Variants in PRR16 observed in about 807,000 individuals in gnomAD.
PRR16 encodes the protein proline rich 16.
In PRR16, 6 loss-of-function variants were observed where a neutral mutation model predicts 18.2. That is an observed-to-expected ratio of 0.33 (90% CI 0.18 to 0.65). PRR16 has a LOEUF of 0.65. Among genes scored for constraint, PRR16 ranks in the 30% least tolerant of loss-of-function variants. PRR16 has a pLI of 0.74. For synonymous variants in PRR16, 151 were observed against 147.8 expected, an observed-to-expected ratio of 1.02 and a Z score of -0.16; for missense variants, 412 against 376.6, an observed-to-expected ratio of 1.09 and a Z score of -0.78.
intron 1 of PRR16, among the ~76,000 whole-genome samples, chr5:120,513,958 C>A (rs915575432): frequency 6.6e-6 from 1 of 152,116 alleles, no homozygotes; most frequent in African/African-American, 2.4e-5. Context: ...CGGAGTTTCA[C>A]CATTTTGGTC....
At chr5:120,771,836 CACG>C in the PRR16 span, among the ~76,000 whole-genome samples, 111 of 151,868 alleles carry the variant, frequency 7.3e-4, no homozygotes, top group African/African-American at 2.4e-3. Context: ...TGACTAGAAA[CACG>C]ACTTTATATT....
chr5:120,608,400 A>G (rs1433157034), intron 1 of PRR16, among the ~76,000 whole-genome samples: 1 of 152,172 alleles, frequency 6.6e-6, no homozygotes, highest in Non-Finnish European at 1.5e-5. Flanking sequence ...CAGCACTGGT[A>G]TTCAGAATTT....
chr5:120,645,305 T>G (rs1755551051), intron 1 of PRR16, among the ~76,000 whole-genome samples: 1 of 151,670 alleles, frequency 6.6e-6, no homozygotes, highest in Non-Finnish European at 1.5e-5. Context: ...GTATAATACA[T>G]GAAAGTTTGG....
At chr5:120,700,850 G>A in the PRR16 span, among the ~76,000 whole-genome samples, 66,529 of 151,982 alleles carry the variant, frequency 0.44, 15,731 homozygotes, top group East Asian at 0.83. Flanking sequence ...GGCAGTGTCA[G>A]TCTTCAGCCG....
chr5:120,576,387 A>G (rs1454710695), intron 1 of PRR16, among the ~76,000 whole-genome samples: 2 of 152,180 alleles, frequency 1.3e-5, no homozygotes, highest in Non-Finnish European at 2.9e-5. Context: ...AAGAAGATAC[A>G]TAAGTGACCA....
chr5:120,621,235 G>T (rs775403506), intron 1 of PRR16, among the ~76,000 whole-genome samples: 2 of 151,902 alleles, frequency 1.3e-5, no homozygotes, highest in African/African-American at 2.4e-5. Flanking sequence ...AAAATAAGGG[G>T]GATTTTTTTG....
chr5:120,562,455 G>A (rs541853542), intron 1 of PRR16, among the ~76,000 whole-genome samples: 1 of 152,070 alleles, frequency 6.6e-6, no homozygotes, highest in East Asian at 1.9e-4. Context: ...TTTTATTGGA[G>A]AGTTTAGTCC....
intron 1 of PRR16, among the ~76,000 whole-genome samples, chr5:120,625,322 A>T (rs1754828911): frequency 6.6e-6 from 1 of 152,022 alleles, no homozygotes; most frequent in Non-Finnish European, 1.5e-5. Flanking sequence ...ATGGGAAAAT[A>T]AATTTTTAGT....
At chr5:120,495,663 C>T (rs2112834682) in intron 1 of PRR16, among the ~76,000 whole-genome samples, 1 of 152,162 alleles carries the variant, frequency 6.6e-6, no homozygotes, top group East Asian at 1.9e-4. Flanking sequence ...TATCTATCTG[C>T]TCATTGCTAG....
At chr5:120,585,616 TAA>T (rs754413694) in intron 1 of PRR16, among the ~76,000 whole-genome samples, 24 of 135,646 alleles carry the variant, frequency 1.8e-4, no homozygotes, top group Admixed American at 2.3e-4. Flanking sequence ...AGACTTGGTC[TAA>T]AAAAAAAAAA....
chr5:120,663,541 C>G (rs1399244965), intron 1 of PRR16, among the ~76,000 whole-genome samples: 2 of 152,134 alleles, frequency 1.3e-5, no homozygotes, highest in Non-Finnish European at 2.9e-5. Flanking sequence ...TGCCCAGAAA[C>G]TTTTCCTTTG....
the PRR16 span, among the ~76,000 whole-genome samples, chr5:120,727,230 C>G: frequency 2.0e-5 from 3 of 152,010 alleles, no homozygotes; most frequent in Non-Finnish European, 2.9e-5. Flanking sequence ...CTCCAAGATT[C>G]TGTACTTGTC....
At chr5:120,557,195 C>G (rs1489276708) in intron 1 of PRR16, among the ~76,000 whole-genome samples, 1 of 151,696 alleles carries the variant, frequency 6.6e-6, no homozygotes, top group Non-Finnish European at 1.5e-5. Context: ...GTCTCAGAAC[C>G]AAGAAATATC....
At chr5:120,630,539 C>A (rs1755017403) in intron 1 of PRR16, among the ~76,000 whole-genome samples, 1 of 149,856 alleles carries the variant, frequency 6.7e-6, no homozygotes, top group South Asian at 2.1e-4. Context: ...GAACCCCAAA[C>A]CTAGGTAAAG....
chr5:120,612,063 A>T (rs191761352), intron 1 of PRR16, among the ~76,000 whole-genome samples: 19 of 152,096 alleles, frequency 1.2e-4, no homozygotes, highest in Admixed American at 1.0e-3. Flanking sequence ...GGGGCTTTAA[A>T]ATTTGCTCCG....
intron 1 of PRR16, among the ~76,000 whole-genome samples, chr5:120,585,173 A>T (rs1753398834): frequency 6.6e-6 from 1 of 152,232 alleles, no homozygotes; most frequent in South Asian, 2.1e-4. Context: ...GCCTGAGGAA[A>T]ATGTGTTTCT....
the PRR16 span, among the ~76,000 whole-genome samples, chr5:120,771,588 A>G: frequency 1.3e-5 from 2 of 152,046 alleles, no homozygotes; most frequent in East Asian, 3.9e-4. Context: ...AAACCATAAT[A>G]AAGTCATTTT....
At chr5:120,671,351 A>C (rs1228645880) in intron 1 of PRR16, among the ~76,000 whole-genome samples, 1 of 152,162 alleles carries the variant, frequency 6.6e-6, no homozygotes, top group Non-Finnish European at 1.5e-5. Flanking sequence ...CAGTTTTATC[A>C]TCTCAAGCTA....
At chr5:120,548,844 A>G (rs1030143012) in intron 1 of PRR16, among the ~76,000 whole-genome samples, 28 of 107,844 alleles carry the variant, frequency 2.6e-4, no homozygotes, top group African/African-American at 9.6e-4. Flanking sequence ...TGTTTTTAGT[A>G]TGATTCCACA....
Sources: gnomAD v4.1 joint callset for allele counts (sites outside exome capture counted in the v4.1 genomes callset) on GRCh38, gnomAD v4.1.1 for gene constraint, MANE v1.5 for transcripts, NCBI Gene and HGNC (gene_info 2026-07-23, HGNC 2026-07-21) for gene names.